The following ATE1 variants were observed in gnomAD, a reference collection of about 807,000 sequenced individuals.
The protein encoded by ATE1 is arginyltransferase 1.
In ATE1, 36 loss-of-function variants were observed where a neutral mutation model predicts 70.5. That is an observed-to-expected ratio of 0.51 (90% CI 0.39 to 0.67). The LOEUF is 0.67. ATE1 is among the 30% of genes least tolerant of loss of function. The pLI, the probability that ATE1 is intolerant of heterozygous loss-of-function variation, is 0.00. For missense variants in ATE1, 593 were observed against 629.5 expected (o/e 0.94, Z 0.62); for synonymous variants, 232 against 219.3 (o/e 1.06, Z -0.51).
At chr10:121,799,587 G>C (rs1224889097) in intron 10 of ATE1, among the ~76,000 whole-genome samples, 1 of 152,166 alleles carries the variant, frequency 6.6e-6, no homozygotes, top group African/African-American at 2.4e-5. Flanking sequence ...TTTGCAGCTA[G>C]CATGTGGTCC....
At chr10:121,782,387 G>C (rs934891984) in intron 11 of ATE1, 4 of 152,212 alleles carry the variant, frequency 2.6e-5, no homozygotes, top group African/African-American at 9.6e-5. Flanking sequence ...CTGATGAACA[G>C]CTTGATGATA....
intron 7 of ATE1, among the ~76,000 whole-genome samples, chr10:121,899,452 T>C (rs938942500): frequency 2.6e-5 from 4 of 152,230 alleles, no homozygotes; most frequent in African/African-American, 9.6e-5. Flanking sequence ...TAAAGAATAA[T>C]TTAACTGGGA....
At chr10:121,831,100 G>A (rs745535633) in intron 10 of ATE1, among the ~76,000 whole-genome samples, 1 of 151,932 alleles carries the variant, frequency 6.6e-6, no homozygotes, top group Non-Finnish European at 1.5e-5. Context: ...TCATTATAAT[G>A]GATATCTTAA....
At chr10:121,752,435 T>C (rs1944625972) in intron 11 of ATE1, among the ~76,000 whole-genome samples, 1 of 151,756 alleles carries the variant, frequency 6.6e-6, no homozygotes. Flanking sequence ...TTCACCATGT[T>C]AGCCATGATG....
At chr10:121,879,302 C>T (rs988828417) in intron 7 of ATE1, among the ~76,000 whole-genome samples, 4 of 152,186 alleles carry the variant, frequency 2.6e-5, no homozygotes, top group South Asian at 2.1e-4. Context: ...TGTCTGTCAA[C>T]GAGCTTCCTT....
Position 121,779,650 on chromosome 10 carries a change from A to G in ATE1, c.1378+10519T>C, listed in dbSNP as rs183037995. Among the ~76,000 whole-genome samples, 14 of 151,270 alleles carry G rather than the reference A, an allele frequency of 9.3e-5. 1 individual carries two copies. The highest frequency in any genetic ancestry group is 2.9e-4 in the African/African-American group (12 of 41,166). ...TGTAGAAGAAAGAAGAAAGATCTTT[A>G]CTCTTTCCTTTCCCTGACCTCCCTC... On this transcript the variant is annotated intron_variant, in intron 11 of 11. Coordinates refer to ENST00000224652, the MANE Select transcript of ATE1 (RefSeq NM_001001976.3).
At chr10:121,744,310 G>A (rs1286029940) in intron 11 of ATE1, among the ~76,000 whole-genome samples, 3 of 151,956 alleles carry the variant, frequency 2.0e-5, no homozygotes, top group African/African-American at 7.3e-5. Flanking sequence ...GTGAGGGTGG[G>A]CAGCATTAAT....
chr10:121,753,335 T>A (rs1431853164), intron 11 of ATE1, among the ~76,000 whole-genome samples: 1 of 152,180 alleles, frequency 6.6e-6, no homozygotes, highest in Admixed American at 6.5e-5. Context: ...GGCTAAAATA[T>A]AATATTTCAA....
At chr10:121,891,826 C>T (rs566777923) in intron 7 of ATE1, among the ~76,000 whole-genome samples, 11 of 152,018 alleles carry the variant, frequency 7.2e-5, no homozygotes, top group African/African-American at 2.2e-4. Flanking sequence ...TGTTTTCCAA[C>T]GAAAAAAGCA....
At chr10:121,918,688 G>A (rs1342247805) in intron 3 of ATE1, among the ~76,000 whole-genome samples, 3 of 151,778 alleles carry the variant, frequency 2.0e-5, no homozygotes, top group Non-Finnish European at 4.4e-5. Context: ...AAAACTGAAA[G>A]AGGACAGCAC....
At chr10:121,755,327 T>A (rs1944752980) in intron 11 of ATE1, among the ~76,000 whole-genome samples, 1 of 152,198 alleles carries the variant, frequency 6.6e-6, no homozygotes, top group Non-Finnish European at 1.5e-5. Flanking sequence ...ACTGGGATAC[T>A]GAAGGACAGT....
intron 10 of ATE1, among the ~76,000 whole-genome samples, chr10:121,832,671 C>T (rs1214309295): frequency 1.3e-5 from 2 of 152,338 alleles, no homozygotes; most frequent in East Asian, 3.9e-4. Flanking sequence ...CACTATGATT[C>T]TGAGGCCTCT....
intron 8 of ATE1, among the ~76,000 whole-genome samples, chr10:121,857,148 G>A (rs1949278596): frequency 6.6e-6 from 1 of 152,102 alleles, no homozygotes; most frequent in Non-Finnish European, 1.5e-5. Flanking sequence ...AGAGAGTAAA[G>A]ATGCAGGTTT....
intron 10 of ATE1, among the ~76,000 whole-genome samples, chr10:121,800,677 T>G (rs1016690615): frequency 6.6e-6 from 1 of 152,108 alleles, no homozygotes; most frequent in African/African-American, 2.4e-5. Flanking sequence ...AACAAAAAAA[T>G]TAACTAGATA....
At chr10:121,859,660 G>C (rs1949398565) in intron 8 of ATE1, among the ~76,000 whole-genome samples, 3 of 152,126 alleles carry the variant, frequency 2.0e-5, no homozygotes, top group Non-Finnish European at 4.4e-5. Context: ...TTGATTTTTA[G>C]GCCAGGCATG....
intron 8 of ATE1, among the ~76,000 whole-genome samples, chr10:121,860,624 T>C (rs991768693): frequency 6.6e-6 from 1 of 152,248 alleles, no homozygotes; most frequent in Non-Finnish European, 1.5e-5. Flanking sequence ...ATGTTTTTAA[T>C]AAGTTGGACA....
At chr10:121,927,728 C>T in intron 1 of ATE1, 116 bp downstream of exon 1, 12 of 1,359,250 alleles carry the variant, frequency 8.8e-6, no homozygotes, top group South Asian at 5.1e-5. Context: ...CCCCCTCCGT[C>T]TCGGCCGTGG....
At chr10:121,859,887 A>G (rs1227951070) in intron 8 of ATE1, among the ~76,000 whole-genome samples, 1 of 152,142 alleles carries the variant, frequency 6.6e-6, no homozygotes, top group Non-Finnish European at 1.5e-5. Flanking sequence ...GGTTGCAGCG[A>G]GCAAGATCGT....
chr10:121,774,727 TC>T (rs1307649284), intron 11 of ATE1, among the ~76,000 whole-genome samples: 1 of 152,202 alleles, frequency 6.6e-6, no homozygotes, highest in Non-Finnish European at 1.5e-5. Context: ...AACTCAAAGT[TC>T]CTGACATCAA....
Sources: allele counts gnomAD v4.1 joint callset (sites outside exome capture counted in the v4.1 genomes callset), GRCh38; gene constraint gnomAD v4.1.1; transcripts MANE v1.5; gene names NCBI Gene and HGNC (gene_info 2026-07-23, HGNC 2026-07-21).